The following DNAH11 variants were observed in gnomAD, a reference collection of about 807,000 sequenced individuals.
DNAH11 encodes axonemal beta dynein heavy chain 11.
DNAH11 carries 442 observed loss-of-function variants against 526.0 expected under a neutral mutation model. The ratio of observed to expected loss-of-function variants is 0.84; its 90% CI spans 0.78 to 0.91. The LOEUF is 0.91. Ranked by LOEUF, DNAH11 falls within the 40% of genes least tolerant of loss-of-function variation. The probability of loss-of-function intolerance (pLI) is 0.00; values close to 1 mark genes in which losing one functional copy is unlikely to be tolerated. For missense variants in DNAH11, 6,989 were observed against 5,448.7 expected (o/e 1.28, Z -8.90); for synonymous variants, 2,461 against 1,935.9 (o/e 1.27, Z -7.12).
chr7:21,578,344 T>C (rs778843522), intron 8 of DNAH11, among the ~76,000 whole-genome samples: 2 of 152,210 alleles, frequency 1.3e-5, no homozygotes, highest in Non-Finnish European at 2.9e-5. Flanking sequence ...AGGCAGTCAT[T>C]ACATCTTAAA....
chr7:21,617,986 AG>A (rs1288868840), intron 23 of DNAH11, among the ~76,000 whole-genome samples: 1 of 152,198 alleles, frequency 6.6e-6, no homozygotes, highest in Non-Finnish European at 1.5e-5. Context: ...GGCTGTCCCC[AG>A]GACAGCAGAG....
intron 9 of DNAH11, among the ~76,000 whole-genome samples, chr7:21,586,171 C>T (rs528115587): frequency 2.6e-5 from 4 of 152,136 alleles, no homozygotes; most frequent in South Asian, 2.1e-4. Context: ...AGTTAAGGAC[C>T]GCTAAGCTGG....
intron 68 of DNAH11, among the ~76,000 whole-genome samples, chr7:21,857,410 A>C (rs993917825): frequency 6.6e-6 from 1 of 152,206 alleles, no homozygotes; most frequent in Non-Finnish European, 1.5e-5. Context: ...TATAGATTCA[A>C]TTCAGTCCCA....
intron 66 of DNAH11, among the ~76,000 whole-genome samples, chr7:21,846,274 A>C (rs1782414373): frequency 6.6e-6 from 1 of 152,182 alleles, no homozygotes; most frequent in Admixed American, 6.5e-5. Context: ...AATGTTGAGT[A>C]GGAGTGGAAC....
intron 68 of DNAH11, among the ~76,000 whole-genome samples, chr7:21,859,828 A>T (rs1292087759): frequency 6.6e-6 from 1 of 152,210 alleles, no homozygotes; most frequent in Non-Finnish European, 1.5e-5. Context: ...TGATCTTTAA[A>T]GGAAGAAGAG....
At position 21,819,303 on chromosome 7, in the gene DNAH11, T is replaced by C. The variant is rs6945545; in HGVS notation, c.10691+964T>C. Among the ~76,000 whole-genome samples, 240 of 152,316 alleles carry C rather than the reference T, an allele frequency of 1.6e-3. 1 individual carries two copies. Among genetic ancestry groups the C allele is most frequent in the African/African-American group, 5.6e-3 (232 of 41,558 alleles). ...TGTCAATTTTAAGTGGAAATAGGCCTACATCAGGGTGACTAACTTCTTGGT... is the reference window on the plus strand; with the variant it reads ...TGTCAATTTTAAGTGGAAATAGGCCCACATCAGGGTGACTAACTTCTTGGT... On this transcript the variant is annotated intron_variant, in intron 65 of 81. Coordinates refer to ENST00000409508, the MANE Select transcript of DNAH11 (RefSeq NM_001277115.2).
In DNAH11 at chr7:21,733,035, G is replaced by A. The variant is rs543549361; in HGVS notation, c.7441-2605G>A. 6.0e-4 allele frequency among the ~76,000 whole-genome samples: 91 copies of A among 152,248 alleles called. No homozygotes were observed. The Middle Eastern group carries it at 0.01, about 17-fold the overall frequency. ...CCAGGCAGAGCTTCCCGTGGAGCACGTGGCTATGTGGGGGAGGGGTGGGGA... is the reference window on the plus strand; with the variant it reads ...CCAGGCAGAGCTTCCCGTGGAGCACATGGCTATGTGGGGGAGGGGTGGGGA... On this transcript the variant is annotated intron_variant, in intron 45 of 81. Coordinates refer to ENST00000409508, the MANE Select transcript of DNAH11 (RefSeq NM_001277115.2).
intron 24 of DNAH11, among the ~76,000 whole-genome samples, 165 bp from the exon 25 acceptor site, chr7:21,619,791 T>C (rs1169884109): frequency 6.6e-6 from 1 of 152,230 alleles, no homozygotes; most frequent in East Asian, 1.9e-4. Flanking sequence ...AAATTCATTC[T>C]TCAAACCCCA....
intron 65 of DNAH11, among the ~76,000 whole-genome samples, chr7:21,831,772 A>G (rs1781783750): frequency 6.6e-6 from 1 of 152,192 alleles, no homozygotes; most frequent in South Asian, 2.1e-4. Context: ...TAACTCAGAT[A>G]CTTGATTAAA....
rs543523438 is a variant in DNAH11 at position 21,654,082 on chromosome 7, T to C, written c.4945-1750T>C. Among the ~76,000 whole-genome samples the C allele has an allele frequency of 8.5e-3, 1,290 of 152,318 alleles. 47 individuals are homozygous for C. The highest frequency in any genetic ancestry group is 0.08 in the South Asian group (386 of 4,820). On this transcript the variant is annotated intron_variant, in intron 28 of 81. Coordinates refer to ENST00000409508, the MANE Select transcript of DNAH11 (RefSeq NM_001277115.2). ...CTGGTTATCAGCAGCTCATATTTAT[T>C]TTTTTCTGTTGAGGTGAAATTTAAC...
At position 21,545,940 on chromosome 7, in the gene DNAH11, C is replaced by G. The variant is rs77440226; in HGVS notation, c.495+791C>G. On this transcript the variant is annotated intron_variant, in intron 2 of 81. Transcript: ENST00000409508. ...GAACTTGTAACACAATGCCCCAGGTCACACCCATACCAGTTAATTTAGAAC... is the reference window on the plus strand; with the variant it reads ...GAACTTGTAACACAATGCCCCAGGTGACACCCATACCAGTTAATTTAGAAC... Among the ~76,000 whole-genome samples, 1,352 of 152,236 alleles carry G rather than the reference C, an allele frequency of 8.9e-3. 34 individuals carry two copies. Among genetic ancestry groups the G allele is most frequent in the Admixed American group, 0.043 (651 of 15,294 alleles).
intron 66 of DNAH11, among the ~76,000 whole-genome samples, chr7:21,847,937 G>A (rs369814526): frequency 6.6e-5 from 10 of 152,066 alleles, no homozygotes; most frequent in East Asian, 3.9e-4. Context: ...AGGCTGAGAC[G>A]GGCGGATCAC....
intron 48 of DNAH11, among the ~76,000 whole-genome samples, chr7:21,740,386 C>T (rs1206318886): frequency 1.3e-5 from 2 of 152,108 alleles, no homozygotes; most frequent in Non-Finnish European, 2.9e-5. Context: ...CCTTTTTCTC[C>T]TCCCCACTTT....
intron 65 of DNAH11, among the ~76,000 whole-genome samples, chr7:21,831,687 A>G (rs1461856457): frequency 6.6e-6 from 1 of 152,200 alleles, no homozygotes; most frequent in African/African-American, 2.4e-5. Context: ...GGAATCCTGT[A>G]TGCTTCAGGA....
intron 8 of DNAH11, among the ~76,000 whole-genome samples, chr7:21,574,282 T>C (rs1784002225): frequency 6.6e-6 from 1 of 152,202 alleles, no homozygotes; most frequent in Non-Finnish European, 1.5e-5. Context: ...CTATTCTTGT[T>C]GAGGGTAACC....
At chr7:21,824,239 A>G (rs1312918113) in intron 65 of DNAH11, among the ~76,000 whole-genome samples, 1 of 152,164 alleles carries the variant, frequency 6.6e-6, no homozygotes, top group Non-Finnish European at 1.5e-5. Context: ...ATGAAGTTAT[A>G]AAGCATAATA....
intron 18 of DNAH11, among the ~76,000 whole-genome samples, chr7:21,604,718 A>C (rs1410569786): frequency 6.6e-6 from 1 of 152,200 alleles, no homozygotes; most frequent in Non-Finnish European, 1.5e-5. Context: ...TGGAATCCCC[A>C]AATATAAAGC....
intron 79 of DNAH11, among the ~76,000 whole-genome samples, chr7:21,895,462 A>G (rs1042278834): frequency 1.3e-5 from 2 of 152,154 alleles, no homozygotes; most frequent in African/African-American, 4.8e-5. Flanking sequence ...AGTAAACTAG[A>G]CTGGGGGTAT....
intron 12 of DNAH11, 38 bp from the exon 13 acceptor site, chr7:21,590,880 G>T: frequency 1.7e-6 from 2 of 1,184,618 alleles, no homozygotes; most frequent in South Asian, 4.5e-5. Flanking sequence ...ATGACATTAT[G>T]AAAATATGCA....
Sources: allele counts gnomAD v4.1 joint callset (sites outside exome capture counted in the v4.1 genomes callset), GRCh38; gene constraint gnomAD v4.1.1; transcripts MANE v1.5; gene names NCBI Gene and HGNC (gene_info 2026-07-23, HGNC 2026-07-21).